The following ARID1B variants were observed in gnomAD, a reference collection of about 807,000 sequenced individuals.
ARID1B encodes the protein AT-rich interaction domain 1B.
In ARID1B, 30 loss-of-function variants were observed where a neutral mutation model predicts 212.3. The ratio of observed to expected loss-of-function variants is 0.14; its 90% CI spans 0.11 to 0.19. The LOEUF is 0.19. Among genes scored for constraint, ARID1B ranks in the 10% least tolerant of loss-of-function variants. The pLI is 1.00. For synonymous variants in ARID1B, 1,402 were observed against 1,301.7 expected (o/e 1.08, Z -1.66); for missense variants, 2,891 against 3,204.0 (o/e 0.90, Z 2.36).
chr6:157,071,983 A>G (rs1784030552), intron 4 of ARID1B: 3 of 152,372 alleles, frequency 2.0e-5, no homozygotes, highest in South Asian at 4.1e-4. Context: ...GACTTGCTAA[A>G]TGGGGACCAT....
chr6:157,206,361 C>CGACGAGGAA lies in ARID1B; in HGVS notation c.5598_5606dup (p.Asp1870_Glu1872dup). ...AGGAAGATGCTGAATGTATTGATGA[C>CGACGAGGAA]GACGAGGAAGACGAGGAGGATGAGG... On this transcript the variant is annotated inframe_insertion, in exon 20 of 20. Transcript: ENST00000636930. The surrounding 1 kb of genome is among the most constrained non-coding windows in gnomAD (Gnocchi z 6.8). 6.2e-7 allele frequency: 1 copy of CGACGAGGAA among 1,604,796 alleles called. No homozygotes were observed. Among genetic ancestry groups the CGACGAGGAA allele is most frequent in the South Asian group, 1.2e-5 (1 of 83,460 alleles).
At chr6:157,150,891 G>A (rs1033655479) in intron 8 of ARID1B, 1 of 177,000 alleles carries the variant, frequency 5.6e-6, no homozygotes. Flanking sequence ...GCGGGACCTG[G>A]GCGTTTTCTC....
intron 5 of ARID1B, among the ~76,000 whole-genome samples, chr6:157,099,180 T>C (rs1179569645): frequency 6.6e-6 from 1 of 152,166 alleles, no homozygotes; most frequent in African/African-American, 2.4e-5. Context: ...ACTCCTGACC[T>C]CAAGCAATCT....
chr6:157,049,448 G>T (rs997752659), intron 4 of ARID1B, among the ~76,000 whole-genome samples: 2 of 152,134 alleles, frequency 1.3e-5, no homozygotes, highest in Non-Finnish European at 2.9e-5. Context: ...CCTTGAAATC[G>T]GCGTAGAGGA....
intron 2 of ARID1B, among the ~76,000 whole-genome samples, chr6:156,883,662 T>C (rs1233809164): frequency 6.6e-6 from 1 of 152,156 alleles, no homozygotes; most frequent in Non-Finnish European, 1.5e-5. Flanking sequence ...CTCGGGACTG[T>C]CACCTCGTCT....
intron 1 of ARID1B, among the ~76,000 whole-genome samples, chr6:156,823,770 G>A (rs1407883662): frequency 7.0e-6 from 1 of 141,892 alleles, no homozygotes; most frequent in African/African-American, 2.6e-5. Context: ...AATATGATAT[G>A]CATAAAGATG....
chr6:157,000,355 T>G (rs1778838041), intron 4 of ARID1B, among the ~76,000 whole-genome samples: 1 of 152,232 alleles, frequency 6.6e-6, no homozygotes, highest in Admixed American at 6.5e-5. Context: ...GAAACTTATC[T>G]TAGTTATCAA....
Position 156,909,553 on chromosome 6 carries a change from C to T in ARID1B, c.2136+8028C>T, listed in dbSNP as rs570531523. Among the ~76,000 whole-genome samples the T allele has an allele frequency of 6.6e-5, 10 of 152,302 alleles. No individual in the cohort carries two copies. In the South Asian group the frequency reaches 1.9e-3, roughly 28 times the overall value. On this transcript the variant is annotated intron_variant, in intron 3 of 19. Coordinates refer to ENST00000636930, the MANE Select transcript of ARID1B (RefSeq NM_001374828.1). ...CTTCAGAATACCCTTCTGTATCATTCGTTTCAAGCAAAATTTAAACAAGAT... is the reference window on the plus strand; with the variant it reads ...CTTCAGAATACCCTTCTGTATCATTTGTTTCAAGCAAAATTTAAACAAGAT...
intron 3 of ARID1B, among the ~76,000 whole-genome samples, chr6:156,932,932 T>C (rs552169168): frequency 3.3e-5 from 5 of 152,382 alleles, no homozygotes; most frequent in East Asian, 3.9e-4. Flanking sequence ...TGAAAGCTTC[T>C]TGTGGTTAGG....
intron 10 of ARID1B, among the ~76,000 whole-genome samples, chr6:157,174,575 G>A (rs1157903945): frequency 6.6e-6 from 1 of 151,032 alleles, no homozygotes; most frequent in Non-Finnish European, 1.5e-5. Context: ...CCCATGCTTA[G>A]CATTCCATGT....
chr6:157,049,859 T>G (rs1782475073), intron 4 of ARID1B, among the ~76,000 whole-genome samples: 1 of 152,228 alleles, frequency 6.6e-6, no homozygotes, highest in Non-Finnish European at 1.5e-5. Context: ...TATTCCTATT[T>G]TTGTCTCATT....
chr6:156,852,648 A>G (rs1310673248), intron 2 of ARID1B, among the ~76,000 whole-genome samples: 1 of 152,152 alleles, frequency 6.6e-6, no homozygotes, highest in Non-Finnish European at 1.5e-5. Flanking sequence ...AACTCAGAGG[A>G]TTATACAGAG....
At chr6:157,027,178 T>C (rs1315779581) in intron 4 of ARID1B, among the ~76,000 whole-genome samples, 1 of 151,162 alleles carries the variant, frequency 6.6e-6, no homozygotes, top group Non-Finnish European at 1.5e-5. Flanking sequence ...TTCAAACTTA[T>C]TAGTTTACCT....
chr6:157,126,668 TA>T (rs1221849227), intron 6 of ARID1B, among the ~76,000 whole-genome samples: 1 of 152,200 alleles, frequency 6.6e-6, no homozygotes, highest in East Asian at 1.9e-4. Flanking sequence ...ATCATGTAGA[TA>T]ATATCTAATT....
chr6:156,887,695 A>G (rs1021623780), intron 2 of ARID1B, among the ~76,000 whole-genome samples: 5 of 152,136 alleles, frequency 3.3e-5, no homozygotes, highest in Non-Finnish European at 7.4e-5. Context: ...ACCCTCAGAG[A>G]GTGGGCTTTT....
chr6:157,071,898 C>A (rs1171862675), intron 4 of ARID1B: 1 of 152,118 alleles, frequency 6.6e-6, no homozygotes, highest in Non-Finnish European at 1.5e-5. Context: ...TGACTTTAGA[C>A]TTTTGCTTTT....
At chr6:156,794,781 A>G (rs1338119610) in intron 1 of ARID1B, among the ~76,000 whole-genome samples, 2 of 146,206 alleles carry the variant, frequency 1.4e-5, no homozygotes, top group African/African-American at 2.5e-5. Flanking sequence ...GGGTTTTGCC[A>G]TGTTGCCCAG....
chr6:156,844,896 T>C (rs1054279929), intron 2 of ARID1B, among the ~76,000 whole-genome samples: 1 of 152,224 alleles, frequency 6.6e-6, no homozygotes, highest in Non-Finnish European at 1.5e-5. Flanking sequence ...TTTTAAGAAA[T>C]GTATACATCA....
At chr6:156,791,946 C>T (rs1562388392) in intron 1 of ARID1B, among the ~76,000 whole-genome samples, 2 of 151,936 alleles carry the variant, frequency 1.3e-5, no homozygotes, top group South Asian at 2.1e-4. Flanking sequence ...TTGTTTATTT[C>T]CTAATGCTAG....
Sources: allele counts gnomAD v4.1 joint callset (sites outside exome capture counted in the v4.1 genomes callset), GRCh38; gene constraint gnomAD v4.1.1; non-coding constraint Gnocchi (gnomAD v3.1); transcripts MANE v1.5; gene names NCBI Gene and HGNC (gene_info 2026-07-23, HGNC 2026-07-21).